The following ZNF219 variants were observed in gnomAD, a reference collection of about 807,000 sequenced individuals.
The protein encoded by ZNF219 is zinc finger protein 219.
ZNF219 carries 17 observed loss-of-function variants against 54.4 expected under a neutral mutation model. The ratio of observed to expected loss-of-function variants is 0.31; its 90% CI spans 0.21 to 0.47. The LOEUF (loss-of-function observed/expected upper bound fraction) is 0.47. Ranked by LOEUF, ZNF219 falls within the 20% of genes least tolerant of loss-of-function variation. The pLI is 1.00. For missense variants in ZNF219, 1,014 were observed against 1,062.3 expected (o/e 0.95, Z 0.63); for synonymous variants, 518 against 476.4 (o/e 1.09, Z -1.14).
Position 21,091,911 on chromosome 14 carries a change from G to C in ZNF219, c.1386C>G (p.His462Gln), listed in dbSNP as rs772106223. ...LHPRPGEGPG[H>Q]SASAAGAQAR... The stretch of plus-strand genomic sequence containing the variant: ...CCTGGGCCCCAGCAGCAGAGGCAGA[G>C]TGCCCCGGTCCCTCACCCGGGCGCG... The change falls in exon 3 of 5, where the codon CAC becomes CAG. Residue 462 changes from histidine (H) to glutamine (Q), a missense_variant. Physicochemically the swap from His to Gln is conservative, Grantham distance 24. This residue lies in a region of ZNF219 where 272 missense variants were observed against 248.9 expected (regional missense o/e 1.09). Coordinates refer to ENST00000360947, the MANE Select transcript of ZNF219 (RefSeq NM_016423.3). 2.9e-5 allele frequency: 46 copies of C among 1,593,650 alleles called. No homozygotes were observed. The highest frequency in any genetic ancestry group is 3.7e-5 in the Non-Finnish European group (43 of 1,171,928).
At chr14:21,103,810 G>C (rs977864642), upstream of ZNF219, 20 of 155,420 alleles carry the variant, frequency 1.3e-4, no homozygotes, top group Non-Finnish European at 2.6e-4. Context: ...CACTGGCCCC[G>C]CGTTCGGGGA....
intron 1 of ZNF219, chr14:21,094,371 G>A (rs1476136699): frequency 2.2e-6 from 1 of 455,876 alleles, no homozygotes; most frequent in Non-Finnish European, 4.4e-6. Context: ...CCTGGGGAAG[G>A]GGCTAAAAAC....
intron 1 of ZNF219, among the ~76,000 whole-genome samples, chr14:21,097,873 C>T (rs1013285784): frequency 1.7e-4 from 26 of 151,934 alleles, no homozygotes; most frequent in African/African-American, 5.3e-4. Context: ...TTCCCCCTCC[C>T]CCACCAGCCC....
Position 21,092,082 on chromosome 14 carries a change from T to A in ZNF219, c.1215A>T (p.Gly405=). The part of the protein sequence containing the change: ...GAEPGPGRSF[G]GFRPLSSALP... Reference sequence around the variant, plus strand: ...GAGCAGAGGACAGCGGGCGGAAGCCTCCGAAGCTGCGGCCGGGACCGGGCT... The same window carrying A: ...GAGCAGAGGACAGCGGGCGGAAGCCACCGAAGCTGCGGCCGGGACCGGGCT... Residue 405 remains glycine (G), a synonymous_variant, in exon 3 of 5, where the codon GGA becomes GGT. Coordinates refer to ENST00000360947, the MANE Select transcript of ZNF219 (RefSeq NM_016423.3). 6.5e-7 allele frequency: 1 copy of A among 1,537,446 alleles called. No homozygotes were observed. Among genetic ancestry groups the A allele is most frequent in the South Asian group, 1.2e-5 (1 of 83,084 alleles).
chr14:21,103,632 C>T, upstream of ZNF219: 1 of 203,264 alleles, frequency 4.9e-6, no homozygotes, highest in Non-Finnish European at 1.0e-5. Flanking sequence ...CCTTTCGATC[C>T]ATCTCCTTTC....
rs566772534 is a variant in ZNF219 at position 21,090,304 on chromosome 14, C to T, written c.*232G>A. 7 of 707,674 alleles carry T rather than the reference C, an allele frequency of 9.9e-6. No individual in the cohort carries two copies. The highest frequency in any genetic ancestry group is 1.5e-5 in the Non-Finnish European group (6 of 392,200). 43.8% of individuals were successfully genotyped at this position (707,674 alleles called of 1,614,324 possible). ...CAAACCTTCTCTGCCAGCCCAGGGACCCCGTTCTTTGACCCTCACCTCTGC... is the reference window on the plus strand; with the variant it reads ...CAAACCTTCTCTGCCAGCCCAGGGATCCCGTTCTTTGACCCTCACCTCTGC... On this transcript the variant is annotated 3_prime_UTR_variant, in exon 5 of 5. Transcript: ENST00000360947. The surrounding 1 kb of genome is among the most constrained non-coding windows in gnomAD (Gnocchi z 4.4).
rs1226265245 is a variant in ZNF219 at position 21,092,424 on chromosome 14, G to A, written c.873C>T (p.Gly291=). 1.3e-6 allele frequency: 2 copies of A among 1,564,844 alleles called. No homozygotes were observed. Among genetic ancestry groups the A allele is most frequent in the African/African-American group, 1.4e-5 (1 of 73,628 alleles). The change falls in exon 3 of 5, where the codon GGC becomes GGT. Residue 291 remains glycine, a synonymous_variant. Coordinates refer to ENST00000360947, the MANE Select transcript of ZNF219 (RefSeq NM_016423.3). The part of the protein sequence containing the change: ...QSFTQSWFLK[G]HMRKHKASFD... ...AGGAGGCCTTGTGCTTACGCATGTG[G>A]CCCTTGAGAAACCAAGACTGTGTAA...
exon 1 of ZNF219, chr14:21,104,689 G>C (rs1889840284): frequency 6.6e-6 from 1 of 152,278 alleles, no homozygotes; most frequent in Admixed American, 6.5e-5. Context: ...GTCCGCTGCA[G>C]CTCTTTTCTG....
intron 2 of ZNF219, 45 bp from the exon 3 acceptor site, chr14:21,093,335 G>C: frequency 6.5e-7 from 1 of 1,527,380 alleles, no homozygotes; most frequent in Non-Finnish European, 8.7e-7. Flanking sequence ...AGGTAGAGCT[G>C]TAAAGGAAGC....
intron 3 of ZNF219, 28 bp downstream of exon 3, chr14:21,091,830 GCGGCGTA>G: frequency 6.7e-7 from 1 of 1,490,588 alleles, no homozygotes; most frequent in Non-Finnish European, 8.9e-7. Context: ...AGAGGAGGAC[GCGGCGTA>G]CCCGGAGAGC....
intron 1 of ZNF219, among the ~76,000 whole-genome samples, chr14:21,098,043 T>C: frequency 7.6e-6 from 1 of 131,262 alleles, no homozygotes; most frequent in Admixed American, 7.6e-5. Flanking sequence ...TGGTGTCTGC[T>C]CCCCCAGCTC....
chr14:21,091,669 G>C, intron 3 of ZNF219, 127 bp from the exon 4 acceptor site: 1 of 1,473,354 alleles, frequency 6.8e-7, no homozygotes, highest in East Asian at 2.4e-5. Flanking sequence ...AGTCTGAGGG[G>C]TTAGATTTGT....
chr14:21,093,843 A>C (rs1594600612), intron 1 of ZNF219, 169 bp from the exon 2 acceptor site: 1 of 615,026 alleles, frequency 1.6e-6, no homozygotes, highest in Non-Finnish European at 2.9e-6. Context: ...GTACCTCTTG[A>C]CTTGCCAAGC....
At position 21,098,370 on chromosome 14, in the gene ZNF219, G is replaced by T. The variant is rs894761479; in HGVS notation, c.-142C>A. 2.1e-6 allele frequency: 1 copy of T among 470,376 alleles called. No individual in the cohort carries two copies. The highest frequency in any genetic ancestry group is 8.4e-5 in the South Asian group (1 of 11,894). The allele number at this position is 470,376 out of a possible 1,614,324, so 29.1% of individuals were successfully genotyped here. On this transcript the variant is annotated 5_prime_UTR_variant, in exon 1 of 5. Transcript: ENST00000360947. ...GGCGGCGGCGGCGGCGGCGGGCGGC[G>T]GGCCGGCGGCGCGGGCGTCAGCGTT...
chr14:21,098,323 GGGCGGCGGCGGAGCGGGCGGCGGCGGC>G lies in ZNF219; in HGVS notation c.-122_-96del, dbSNP rs1377596289. ...GAGCGGCTACTCACGAGCCCCGGGC[GGGCGGCGGCGGAGCGGGCGGCGGCGGC>G]GGCGGCGGCGGCGGGCGGCGGGCCG... On this transcript the variant is annotated 5_prime_UTR_variant, in exon 1 of 5. Transcript: ENST00000360947. 13 of 189,188 alleles carry G rather than the reference GGGCGGCGGCGGAGCGGGCGGCGGCGGC, an allele frequency of 6.9e-5. No homozygotes were observed. Among genetic ancestry groups the G allele is most frequent in the South Asian group, 1.6e-4 (1 of 6,442 alleles). The allele number at this position is 189,188 out of a possible 1,614,324, so 11.7% of individuals were successfully genotyped here. A position where few individuals can be genotyped will look rare whatever the true frequency, so the allele number is the denominator to read the frequency against.
chr14:21,103,691 C>G (rs1354032153), upstream of ZNF219: 1 of 155,402 alleles, frequency 6.4e-6, no homozygotes, highest in Non-Finnish European at 1.4e-5. Flanking sequence ...AGCCCGTGAC[C>G]GGCTAGGAAA....
chr14:21,097,690 G>A (rs1208459234), intron 1 of ZNF219, among the ~76,000 whole-genome samples: 1 of 152,162 alleles, frequency 6.6e-6, no homozygotes, highest in East Asian at 1.9e-4. Context: ...GGGAGATAGG[G>A]AGGCCAAGGC....
chr14:21,092,066 A>T lies in ZNF219; in HGVS notation c.1231T>A (p.Ser411Thr). Reference sequence around the variant, plus strand: ...CGAGCCCGGGCCGGGAGAGCAGAGGACAGCGGGCGGAAGCCTCCGAAGCTG... The same window carrying T: ...CGAGCCCGGGCCGGGAGAGCAGAGGTCAGCGGGCGGAAGCCTCCGAAGCTG... ...GRSFGGFRPL[S>T]SALPARARRH... Residue 411 changes from serine (S) to threonine (T), a missense_variant, in exon 3 of 5, where the codon TCC becomes ACC. By Grantham distance (58) the Ser-to-Thr change is moderately conservative. This residue lies in a region of ZNF219 where 272 missense variants were observed against 248.9 expected (regional missense o/e 1.09). Transcript: ENST00000360947. The T allele has an allele frequency of 6.5e-7, 1 of 1,540,268 alleles. No homozygotes were observed. The highest frequency in any genetic ancestry group is 8.7e-7 in the Non-Finnish European group (1 of 1,143,158).
At chr14:21,099,929 T>C (rs1237783561), upstream of ZNF219, among the ~76,000 whole-genome samples, 1 of 152,218 alleles carries the variant, frequency 6.6e-6, no homozygotes, top group African/African-American at 2.4e-5. Context: ...TTTTAGTGTA[T>C]GGGCATCAGA....
Sources: allele counts gnomAD v4.1 joint callset (sites outside exome capture counted in the v4.1 genomes callset), GRCh38; gene constraint gnomAD v4.1.1; regional missense constraint gnomAD v4.1.1; non-coding constraint Gnocchi (gnomAD v3.1); transcripts MANE v1.5; gene names NCBI Gene and HGNC (gene_info 2026-07-23, HGNC 2026-07-21).